Variants in KLHL1 observed in about 807,000 individuals in gnomAD.
KLHL1 encodes the protein kelch-like protein 1.
A neutral mutation model predicts 77.7 loss-of-function variants in KLHL1; 47 were observed. The observed-to-expected ratio is 0.60, with a 90% CI of 0.48 to 0.77. The LOEUF is 0.77. Ranked by LOEUF, KLHL1 falls within the 30% of genes least tolerant of loss-of-function variation. The probability of loss-of-function intolerance (pLI) is 0.00; values close to 1 mark genes in which losing one functional copy is unlikely to be tolerated. For missense variants in KLHL1, 925 were observed against 910.8 expected, an observed-to-expected ratio of 1.02 and a Z score of -0.20; for synonymous variants, 360 against 325.2, an observed-to-expected ratio of 1.11 and a Z score of -1.15.
At chr13:69,857,039 A>G (rs1202953184) in intron 5 of KLHL1, among the ~76,000 whole-genome samples, 1 of 152,044 alleles carries the variant, frequency 6.6e-6, no homozygotes, top group African/African-American at 2.4e-5. Context: ...TCCAATGAAC[A>G]ATAGTAAATT....
chr13:69,945,565 C>T (rs866454434), intron 3 of KLHL1, among the ~76,000 whole-genome samples: 10 of 151,334 alleles, frequency 6.6e-5, no homozygotes, highest in African/African-American at 2.2e-4. Flanking sequence ...ATATTATATA[C>T]GGAATATATA....
chr13:69,908,459 T>G (rs2138238918), intron 4 of KLHL1, among the ~76,000 whole-genome samples: 1 of 150,544 alleles, frequency 6.6e-6, no homozygotes, highest in South Asian at 2.1e-4. Context: ...ATTCAAATAG[T>G]AAATTCTATA....
intron 3 of KLHL1, 28 bp from the exon 4 acceptor site, chr13:69,940,264 ACT>A: frequency 6.5e-7 from 1 of 1,538,728 alleles, no homozygotes; most frequent in Non-Finnish European, 8.8e-7. Flanking sequence ...TAATTATGAA[ACT>A]CTTTTAAAAA....
intron 7 of KLHL1, among the ~76,000 whole-genome samples, chr13:69,788,333 A>G (rs1451258252): frequency 1.3e-5 from 2 of 152,066 alleles, no homozygotes; most frequent in Non-Finnish European, 2.9e-5. Flanking sequence ...ATGCAGCCAT[A>G]AAAAATAAAG....
At chr13:70,044,268 C>T (rs1429222664) in intron 1 of KLHL1, among the ~76,000 whole-genome samples, 1 of 152,148 alleles carries the variant, frequency 6.6e-6, no homozygotes, top group Non-Finnish European at 1.5e-5. Flanking sequence ...TTAAATATTA[C>T]TTTCTCAGTA....
intron 10 of KLHL1, among the ~76,000 whole-genome samples, chr13:69,706,474 A>T (rs1269030622): frequency 6.6e-6 from 1 of 151,976 alleles, no homozygotes; most frequent in Non-Finnish European, 1.5e-5. Flanking sequence ...GTTTCATTAA[A>T]AGTAAATATC....
intron 4 of KLHL1, among the ~76,000 whole-genome samples, chr13:69,927,866 A>C (rs1882868914): frequency 6.6e-6 from 1 of 152,188 alleles, no homozygotes; most frequent in South Asian, 2.1e-4. Context: ...GTTATTGTAT[A>C]ACCATATCAC....
At chr13:69,929,202 A>G (rs1014231238) in intron 4 of KLHL1, among the ~76,000 whole-genome samples, 2 of 152,056 alleles carry the variant, frequency 1.3e-5, no homozygotes, top group African/African-American at 4.8e-5. Context: ...AGTTAATGAT[A>G]AACACATCAA....
At chr13:69,782,666 C>G (rs1876289770) in intron 7 of KLHL1, among the ~76,000 whole-genome samples, 1 of 152,210 alleles carries the variant, frequency 6.6e-6, no homozygotes, top group Admixed American at 6.5e-5. Flanking sequence ...AGCCAGGAAG[C>G]TCAAACTGGG....
chr13:69,786,805 A>G (rs1359433841), intron 7 of KLHL1, among the ~76,000 whole-genome samples: 2 of 152,238 alleles, frequency 1.3e-5, no homozygotes, highest in African/African-American at 4.8e-5. Flanking sequence ...CAACTTCAGC[A>G]AAGTCTCAGG....
intron 3 of KLHL1, among the ~76,000 whole-genome samples, chr13:69,955,408 T>G (rs1490145746): frequency 6.6e-6 from 1 of 151,366 alleles, no homozygotes; most frequent in Non-Finnish European, 1.5e-5. Context: ...AACACTTCAA[T>G]ATGATTAAAG....
chr13:69,722,758 G>T (rs183555611), intron 8 of KLHL1, among the ~76,000 whole-genome samples: 1 of 151,856 alleles, frequency 6.6e-6, no homozygotes, highest in East Asian at 1.9e-4. Flanking sequence ...GTTTTTTGAG[G>T]GTAGTCCCTC....
At chr13:70,032,909 T>A (rs1886140168) in intron 1 of KLHL1, among the ~76,000 whole-genome samples, 1 of 152,206 alleles carries the variant, frequency 6.6e-6, no homozygotes, top group Non-Finnish European at 1.5e-5. Context: ...TTAAATATCA[T>A]TATTACTTTT....
intron 7 of KLHL1, among the ~76,000 whole-genome samples, chr13:69,751,178 TTATGTG>T (rs1381175950): frequency 6.6e-6 from 1 of 151,392 alleles, no homozygotes; most frequent in African/African-American, 2.4e-5. Flanking sequence ...TGGGCATGTG[TTATGTG>T]TAGGTGTATG....
chr13:69,782,503 CAGG>C (rs1876279139), intron 7 of KLHL1, among the ~76,000 whole-genome samples: 1 of 152,208 alleles, frequency 6.6e-6, no homozygotes, highest in Admixed American at 6.5e-5. Context: ...AATGGCACAC[CAGG>C]AGATTATATC....
chr13:69,785,082 C>G (rs866731391), intron 7 of KLHL1, among the ~76,000 whole-genome samples: 5 of 151,088 alleles, frequency 3.3e-5, no homozygotes, highest in Admixed American at 2.0e-4. Flanking sequence ...TTAGTAGAGA[C>G]GGGGTTTCAC....
chr13:70,066,009 T>C (rs572568465), intron 1 of KLHL1, among the ~76,000 whole-genome samples: 7 of 152,320 alleles, frequency 4.6e-5, no homozygotes, highest in Non-Finnish European at 1.0e-4. Flanking sequence ...ACTAAAGACA[T>C]TGATAAATAT....
chr13:70,044,412 G>GT (rs1231191395), intron 1 of KLHL1, among the ~76,000 whole-genome samples: 3 of 151,832 alleles, frequency 2.0e-5, no homozygotes, highest in Non-Finnish European at 4.4e-5. Flanking sequence ...TGTTTATTTT[G>GT]TAATAGAAAC....
intron 3 of KLHL1, among the ~76,000 whole-genome samples, chr13:69,952,634 G>T (rs759801606): frequency 1.3e-5 from 2 of 151,336 alleles, no homozygotes; most frequent in Non-Finnish European, 3.0e-5. Flanking sequence ...TATTCCTTCA[G>T]AACATCTTCA....
Sources: allele counts gnomAD v4.1 joint callset (sites outside exome capture counted in the v4.1 genomes callset), GRCh38; gene constraint gnomAD v4.1.1; transcripts MANE v1.5; gene names NCBI Gene and HGNC (gene_info 2026-07-23, HGNC 2026-07-21).